Variants in PTGFRN observed in about 807,000 individuals in gnomAD.
PTGFRN encodes prostaglandin F2 receptor negative regulator.
PTGFRN carries 35 observed loss-of-function variants against 83.2 expected under a neutral mutation model. The ratio of observed to expected loss-of-function variants is 0.42; its 90% CI spans 0.32 to 0.56. The LOEUF is 0.56. PTGFRN is among the 20% of genes least tolerant of loss of function. The pLI is 0.11. For synonymous variants in PTGFRN, 519 were observed against 498.6 expected, an observed-to-expected ratio of 1.04 and a Z score of -0.55; for missense variants, 1,051 against 1,179.5, an observed-to-expected ratio of 0.89 and a Z score of 1.60.
chr1:116,984,382 G>A (rs1167389510), intron 7 of PTGFRN, among the ~76,000 whole-genome samples: 1 of 152,038 alleles, frequency 6.6e-6, no homozygotes, highest in African/African-American at 2.4e-5. Context: ...CCTTAGTCTG[G>A]GTGGCAGCAG....
Position 116,987,028 on chromosome 1 carries a change from C to A in PTGFRN, c.*61C>A. The A allele has an allele frequency of 6.3e-7, 1 of 1,587,280 alleles. No homozygotes were observed. Among genetic ancestry groups the A allele is most frequent in the Non-Finnish European group, 8.6e-7 (1 of 1,161,396 alleles). ...AGGAGCAATTGGGGCAAGAAGAGGA[C>A]AGTGATATTTTAAAACAAAGTGTGT... On this transcript the variant is annotated 3_prime_UTR_variant, in exon 9 of 9. Transcript: ENST00000393203.
At position 116,941,980 on chromosome 1, in the gene PTGFRN, C is replaced by A. The variant is rs764516019; in HGVS notation, c.315C>A (p.His105Gln). Residue 105 changes from histidine (H) to glutamine (Q), a missense_variant, in exon 2 of 9, where the codon CAC becomes CAA. Physicochemically the swap from His to Gln is conservative, Grantham distance 24. Coordinates refer to ENST00000393203, the MANE Select transcript of PTGFRN (RefSeq NM_020440.4). This position sits in a 1 kb window ranked among gnomAD's most constrained non-coding sequence, Gnocchi z 5.0. ...CTGCCAACGACGCCGTGGAGCTCCACATAAAGAACGTCCAGCCTTCAGACC... is the reference window on the plus strand; with the variant it reads ...CTGCCAACGACGCCGTGGAGCTCCAAATAAAGAACGTCCAGCCTTCAGACC... ...RRTANDAVEL[H>Q]IKNVQPSDQG... The A allele has an allele frequency of 8.7e-6, 14 of 1,614,068 alleles. No homozygotes were observed. In the East Asian group the frequency reaches 3.1e-4, roughly 36 times the overall value.
intron 1 of PTGFRN, among the ~76,000 whole-genome samples, 182 bp downstream of exon 1, chr1:116,910,434 C>G (rs1291966804): frequency 6.6e-6 from 1 of 150,600 alleles, no homozygotes; most frequent in East Asian, 2.0e-4. Flanking sequence ...CCGCCCGGAG[C>G]CTGGCGCGAA....
intron 5 of PTGFRN, among the ~76,000 whole-genome samples, chr1:116,965,126 C>T (rs1459083022): frequency 6.6e-6 from 1 of 152,194 alleles, no homozygotes; most frequent in African/African-American, 2.4e-5. Flanking sequence ...CCACTCCATC[C>T]AGCCACTCTG....
In PTGFRN at chr1:116,987,159, T is replaced by C. The variant is rs1194780318; in HGVS notation, c.*192T>C. ...CATGTTTACCAGCACACGGCTCTTC[T>C]TCCCACGGCACTTTCTGATGTAACA... On this transcript the variant is annotated 3_prime_UTR_variant, in exon 9 of 9. Transcript: ENST00000393203. The C allele has an allele frequency of 1.7e-6, 1 of 579,610 alleles. No homozygotes were observed. The highest frequency in any genetic ancestry group is 3.0e-6 in the Non-Finnish European group (1 of 333,698). 35.9% of individuals were successfully genotyped at this position (579,610 alleles called of 1,614,324 possible).
In PTGFRN at chr1:116,958,708, C is replaced by A. The variant is rs1328420670; in HGVS notation, c.1214-2535C>A. 1.3e-5 allele frequency among the ~76,000 whole-genome samples: 2 copies of A among 152,144 alleles called. No individual in the cohort carries two copies. The highest frequency in any genetic ancestry group is 2.9e-5 in the Non-Finnish European group (2 of 68,018). ...CATCCCCATTTGTATGGGTGAGGCA[C>A]CAGAGATCTGAGTAATCTACCCAAG... On this transcript the variant is annotated intron_variant, in intron 4 of 8. Coordinates refer to ENST00000393203, the MANE Select transcript of PTGFRN (RefSeq NM_020440.4). The surrounding 1 kb of genome is among the most constrained non-coding windows in gnomAD (Gnocchi z 4.9).
chr1:116,914,242 C>T (rs905158592), intron 1 of PTGFRN, among the ~76,000 whole-genome samples: 2 of 152,144 alleles, frequency 1.3e-5, no homozygotes, highest in Admixed American at 1.3e-4. Context: ...GAGGAAAGAG[C>T]GTAGAGTAGA....
At chr1:116,914,558 CTGTGCAACATAGTGAGACCCCCA>C (rs1649352298) in intron 1 of PTGFRN, among the ~76,000 whole-genome samples, 1 of 150,848 alleles carries the variant, frequency 6.6e-6, no homozygotes, top group Admixed American at 6.6e-5. Flanking sequence ...CGAGACCGGC[CTGTGCAACATAGTGAGACCCCCA>C]TCTCTACTAA....
chr1:116,933,527 T>C (rs1009543612), intron 1 of PTGFRN, among the ~76,000 whole-genome samples: 1 of 152,222 alleles, frequency 6.6e-6, no homozygotes, highest in African/African-American at 2.4e-5. Context: ...AGTTATTCTT[T>C]CTGTTGCTCA....
Position 116,987,190 on chromosome 1 carries a change from G to T in PTGFRN, c.*223G>T, listed in dbSNP as rs1441797765. On this transcript the variant is annotated 3_prime_UTR_variant, in exon 9 of 9. Coordinates refer to ENST00000393203, the MANE Select transcript of PTGFRN (RefSeq NM_020440.4). ...CGGCACTTTCTGATGTAACAATCGA[G>T]TGTGTGTTTTCCCAACTGCAGCTTT... 2.0e-6 allele frequency: 1 copy of T among 510,860 alleles called. No individual in the cohort carries two copies. The highest frequency in any genetic ancestry group is 1.9e-5 in the African/African-American group (1 of 52,070). 31.6% of individuals were successfully genotyped at this position (510,860 alleles called of 1,614,324 possible).
rs903071813 is a variant in PTGFRN at position 116,923,092 on chromosome 1, T to C, written c.49+12840T>C. Reference sequence around the variant, plus strand: ...AGCCATCGGTTTGTGATGATCTGTTTATTAGGATGAGCATTTGTGTGTCTC... The same window carrying C: ...AGCCATCGGTTTGTGATGATCTGTTCATTAGGATGAGCATTTGTGTGTCTC... On this transcript the variant is annotated intron_variant, in intron 1 of 8. Transcript: ENST00000393203. The surrounding 1 kb of genome is among the most constrained non-coding windows in gnomAD (Gnocchi z 4.0). 2.0e-5 allele frequency among the ~76,000 whole-genome samples: 3 copies of C among 152,200 alleles called. No homozygotes were observed. The highest frequency in any genetic ancestry group is 2.9e-5 in the Non-Finnish European group (2 of 68,036).
intron 1 of PTGFRN, among the ~76,000 whole-genome samples, chr1:116,914,405 T>C (rs1353775367): frequency 6.6e-6 from 1 of 152,132 alleles, no homozygotes; most frequent in African/African-American, 2.4e-5. Flanking sequence ...AAGACAGATT[T>C]TGAGGGAACA....
chr1:116,984,712 G>T lies in PTGFRN; in HGVS notation c.2200G>T (p.Val734Leu), dbSNP rs1298248484. 2 of 1,614,042 alleles carry T rather than the reference G, an allele frequency of 1.2e-6. No homozygotes were observed. Among genetic ancestry groups the T allele is most frequent in the African/African-American group, 2.7e-5 (2 of 74,920 alleles). Residue 734 changes from valine to leucine, a missense_variant, in exon 8 of 9, where the codon GTG (valine) becomes TTG (leucine). Val to Leu is a conservative substitution (Grantham distance 32, BLOSUM62 1). This residue lies in a region of PTGFRN where 719 missense variants were observed against 836.6 expected (regional missense o/e 0.86). Transcript: ENST00000393203. The part of the protein sequence containing the change: ...DMAFDVSWFA[V>L]HSFGLDKAPV... ...GGCCTTTGATGTGTCCTGGTTTGCG[G>T]TGCACTCTTTTGGCCTGGACAAGGC...
chr1:116,941,831 T>C lies in PTGFRN; in HGVS notation c.166T>C (p.Phe56Leu). ...SDYDGPSEQNFDWSFSSLGSS... is the reference protein window; with the variant it reads ...SDYDGPSEQNLDWSFSSLGSS... The stretch of plus-strand genomic sequence containing the variant: ...CTATGATGGCCCCAGCGAGCAAAAC[T>C]TTGACTGGAGCTTCTCATCTTTGGG... Residue 56 changes from phenylalanine to leucine, a missense_variant, in exon 2 of 9, where the codon TTT (phenylalanine) becomes CTT (leucine). Transcript: ENST00000393203. The surrounding 1 kb of genome is among the most constrained non-coding windows in gnomAD (Gnocchi z 5.0). The C allele has an allele frequency of 6.2e-7, 1 of 1,614,130 alleles. No homozygotes were observed. The highest frequency in any genetic ancestry group is 1.1e-5 in the South Asian group (1 of 91,078).
chr1:116,959,132 G>A (rs752131640), intron 4 of PTGFRN, among the ~76,000 whole-genome samples: 1 of 152,208 alleles, frequency 6.6e-6, no homozygotes, highest in African/African-American at 2.4e-5. Flanking sequence ...GCATATGATG[G>A]TGTAAACACA....
At chr1:116,974,723 A>G (rs1651095888) in intron 7 of PTGFRN, among the ~76,000 whole-genome samples, 2 of 152,246 alleles carry the variant, frequency 1.3e-5, no homozygotes, top group Admixed American at 1.3e-4. Context: ...ATGAGTGAAC[A>G]AAATGCCCAA....
chr1:116,910,347 G>C, intron 1 of PTGFRN, 95 bp downstream of exon 1: 1 of 1,123,300 alleles, frequency 8.9e-7, no homozygotes, highest in Non-Finnish European at 1.1e-6. Flanking sequence ...CTGGGGCGCC[G>C]AGGGTGCCCG....
At chr1:116,966,179 T>C (rs1650824809) in intron 5 of PTGFRN, among the ~76,000 whole-genome samples, 1 of 152,280 alleles carries the variant, frequency 6.6e-6, no homozygotes, top group Non-Finnish European at 1.5e-5. Flanking sequence ...AGATGAATTC[T>C]AATGTGTACA....
intron 5 of PTGFRN, among the ~76,000 whole-genome samples, chr1:116,964,842 A>G (rs550551102): frequency 6.6e-6 from 1 of 152,256 alleles, no homozygotes; most frequent in Non-Finnish European, 1.5e-5. Flanking sequence ...TTGACTTAGA[A>G]TCTGGCTACT....
Sources: allele counts gnomAD v4.1 joint callset (sites outside exome capture counted in the v4.1 genomes callset), GRCh38; gene constraint gnomAD v4.1.1; regional missense constraint gnomAD v4.1.1; non-coding constraint Gnocchi (gnomAD v3.1); transcripts MANE v1.5; gene names NCBI Gene and HGNC (gene_info 2026-07-23, HGNC 2026-07-21).